PRICKLE1: variants seen among roughly 807,000 people sequenced by gnomAD.
PRICKLE1 encodes the protein prickle-like protein 1.
In PRICKLE1, 14 loss-of-function variants were observed where a neutral mutation model predicts 70.2. The observed-to-expected ratio is 0.20, with a 90% confidence interval of 0.13 to 0.31. The LOEUF (loss-of-function observed/expected upper bound fraction) is 0.31, where lower values mean the gene tolerates loss of function less well. Among genes scored for constraint, PRICKLE1 ranks in the 10% least tolerant of loss-of-function variants. The pLI, the probability that PRICKLE1 is intolerant of heterozygous loss-of-function variation, is 1.00. For missense variants in PRICKLE1, 821 were observed against 1,026.2 expected (o/e 0.80, Z 2.73); for synonymous variants, 357 against 379.9 (o/e 0.94, Z 0.70).
intron 1 of PRICKLE1, among the ~76,000 whole-genome samples, chr12:42,497,533 C>T (rs1159949719): frequency 1.7e-4 from 20 of 120,360 alleles, no homozygotes; most frequent in African/African-American, 6.3e-4. Context: ...TGGGTGACAG[C>T]GAGACTCCAT....
At chr12:42,588,053 C>T (rs1237409693) in intron 1 of PRICKLE1, among the ~76,000 whole-genome samples, 1 of 151,966 alleles carries the variant, frequency 6.6e-6, no homozygotes, top group African/African-American at 2.4e-5. Flanking sequence ...TAATAGAAGG[C>T]GGCTGAACAC....
At chr12:42,587,459 C>G (rs1464878016) in intron 1 of PRICKLE1, among the ~76,000 whole-genome samples, 1 of 152,156 alleles carries the variant, frequency 6.6e-6, no homozygotes, top group Non-Finnish European at 1.5e-5. Context: ...GTGTGCAAAC[C>G]CTTAACTGTG....
intron 1 of PRICKLE1, among the ~76,000 whole-genome samples, chr12:42,544,359 T>C (rs1020370334): frequency 1.3e-5 from 2 of 152,214 alleles, no homozygotes; most frequent in Non-Finnish European, 2.9e-5. Flanking sequence ...CAATGCACTA[T>C]TCCTCAACAA....
At position 42,468,719 on chromosome 12, in the gene PRICKLE1, C is replaced by A; in HGVS notation, c.495G>T (p.Leu165=). 1 of 1,614,110 alleles carries A rather than the reference C, an allele frequency of 6.2e-7. No individual in the cohort carries two copies. Among genetic ancestry groups the A allele is most frequent in the Non-Finnish European group, 8.5e-7 (1 of 1,180,018 alleles). ...CCTGATAAAAATAGATGAGGTCGAC[C>A]AGCAGCTCATTACACGTGAAACAGA... ...CFVCFTCNEL[L]VDLIYFYQDG... is the part of the protein sequence containing the mutation. Residue 165 remains leucine, a synonymous_variant, in exon 5 of 8, where the codon CTG becomes CTT. Coordinates refer to ENST00000345127, the MANE Select transcript of PRICKLE1 (RefSeq NM_153026.3).
rs1450074684 is a variant in PRICKLE1, at chr12:42,470,305, G to A, written c.187C>T (p.Pro63Ser). 1 of 1,614,028 alleles carries A rather than the reference G, an allele frequency of 6.2e-7. No homozygotes were observed. Among genetic ancestry groups the A allele is most frequent in the South Asian group, 1.1e-5 (1 of 91,080 alleles). Reference protein sequence around the residue: ...PEEKVPYVNSPGEKHRIKQLL... With the variant: ...PEEKVPYVNSSGEKHRIKQLL... Reference sequence around the variant, plus strand: ...TGTTTAATCCGATGCTTCTCTCCGGGGCTGTTAACGTAAGGAACTTTTTCC... The same window carrying A: ...TGTTTAATCCGATGCTTCTCTCCGGAGCTGTTAACGTAAGGAACTTTTTCC... The change falls in exon 3 of 8, where the codon CCC becomes TCC. Residue 63 changes from proline to serine, a missense_variant. Coordinates refer to ENST00000345127, the MANE Select transcript of PRICKLE1 (RefSeq NM_153026.3).
chr12:42,551,349 G>A (rs1485929148), intron 1 of PRICKLE1, among the ~76,000 whole-genome samples: 1 of 152,214 alleles, frequency 6.6e-6, no homozygotes, highest in Non-Finnish European at 1.5e-5. Context: ...ATACCTGTGT[G>A]TAGCAGAGTT....
chr12:42,586,730 T>G (rs1057491545), intron 1 of PRICKLE1, among the ~76,000 whole-genome samples: 9 of 152,348 alleles, frequency 5.9e-5, no homozygotes, highest in Admixed American at 3.9e-4. Context: ...TCATGAGTAT[T>G]ATAGACAATC....
At chr12:42,536,583 AC>A (rs1288990608) in intron 1 of PRICKLE1, among the ~76,000 whole-genome samples, 4 of 152,228 alleles carry the variant, frequency 2.6e-5, no homozygotes, top group Non-Finnish European at 4.4e-5. Context: ...CAGTCTTCAG[AC>A]CTGGACTTTT....
chr12:42,512,465 C>T (rs773695640), intron 1 of PRICKLE1, among the ~76,000 whole-genome samples: 6 of 152,086 alleles, frequency 3.9e-5, no homozygotes, highest in South Asian at 2.1e-4. Context: ...CATGAGGCAC[C>T]GTGCCCAGCT....
intron 1 of PRICKLE1, chr12:42,485,248 T>G (rs930132205): frequency 5.7e-5 from 7 of 122,838 alleles, no homozygotes; most frequent in African/African-American, 1.4e-4. Flanking sequence ...AGTTTTTTTT[T>G]TTTTTTTTTT....
intron 1 of PRICKLE1, among the ~76,000 whole-genome samples, chr12:42,531,800 G>A (rs1234734708): frequency 6.6e-6 from 1 of 152,088 alleles, no homozygotes; most frequent in African/African-American, 2.4e-5. Context: ...AAAGATAATT[G>A]AATAATGAAG....
intron 1 of PRICKLE1, among the ~76,000 whole-genome samples, chr12:42,518,236 G>T (rs1311929100): frequency 1.3e-5 from 2 of 152,068 alleles, no homozygotes; most frequent in East Asian, 3.9e-4. Context: ...TAGAGATGGG[G>T]TTTCAACATG....
intron 1 of PRICKLE1, chr12:42,485,239 G>GTTTTTTTTTTTTT (rs556218718): frequency 9.9e-5 from 10 of 100,782 alleles, no homozygotes; most frequent in Non-Finnish European, 1.7e-4. Context: ...CAGCTGAGAA[G>GTTTTTTTTTTTTT]TTTTTTTTTT....
At chr12:42,529,953 CTT>C (rs546013157) in intron 1 of PRICKLE1, among the ~76,000 whole-genome samples, 10 of 143,008 alleles carry the variant, frequency 7.0e-5, no homozygotes, top group African/African-American at 2.6e-5. Context: ...TCCTTCCTTC[CTT>C]TTTTTTTTTT....
intron 1 of PRICKLE1, among the ~76,000 whole-genome samples, chr12:42,567,780 T>A (rs1357657274): frequency 7.3e-6 from 1 of 137,216 alleles, no homozygotes; most frequent in African/African-American, 2.8e-5. Context: ...TGAGCCAAGA[T>A]CGTGCCACTT....
At chr12:42,558,225 A>G (rs1940445301) in intron 1 of PRICKLE1, among the ~76,000 whole-genome samples, 1 of 152,210 alleles carries the variant, frequency 6.6e-6, no homozygotes, top group Admixed American at 6.5e-5. Context: ...ACATATTCTC[A>G]TATAAGAAAT....
At chr12:42,560,250 G>A (rs929649702) in intron 1 of PRICKLE1, among the ~76,000 whole-genome samples, 4 of 151,828 alleles carry the variant, frequency 2.6e-5, no homozygotes, top group African/African-American at 2.4e-5. Context: ...AATTTCTCCT[G>A]TCTCAGCCTC....
chr12:42,518,774 G>C (rs1167671957), intron 1 of PRICKLE1, among the ~76,000 whole-genome samples: 1 of 152,194 alleles, frequency 6.6e-6, no homozygotes, highest in African/African-American at 2.4e-5. Context: ...AATACCTACT[G>C]ATTGGTGCAG....
chr12:42,519,396 A>C (rs1939669073), intron 1 of PRICKLE1, among the ~76,000 whole-genome samples: 1 of 151,862 alleles, frequency 6.6e-6, no homozygotes, highest in African/African-American at 2.4e-5. Context: ...GGGTTTCACC[A>C]TGTTGGCCAG....
Sources: allele counts gnomAD v4.1 joint callset (sites outside exome capture counted in the v4.1 genomes callset), GRCh38; gene constraint gnomAD v4.1.1; transcripts MANE v1.5; gene names NCBI Gene and HGNC (gene_info 2026-07-23, HGNC 2026-07-21).